Variants in BBOX1 observed in about 807,000 individuals in gnomAD.
BBOX1 encodes gamma-butyrobetaine dioxygenase.
A neutral mutation model predicts 41.6 loss-of-function variants in BBOX1; 35 were observed. The observed-to-expected ratio is 0.84, with a 90% CI of 0.64 to 1.11. BBOX1 has a LOEUF of 1.11. Among genes scored for constraint, BBOX1 ranks in the 50% most tolerant of loss-of-function variants. The pLI is 0.00. For synonymous variants in BBOX1, 163 were observed against 154.7 expected (o/e 1.05, Z -0.40); for missense variants, 458 against 460.6 (o/e 0.99, Z 0.05).
chr11:27,055,626 G>A lies in BBOX1; in HGVS notation c.196G>A (p.Gly66Ser). The change falls in exon 3 of 9, where the codon GGC (glycine) becomes AGC (serine). Residue 66 changes from glycine (G) to serine (S), a missense_variant. Coordinates refer to ENST00000263182, the MANE Select transcript of BBOX1 (RefSeq NM_003986.3). ...TCTTGATGTGAACATTGGAATTAAA[G>A]GCTTGATATTTGACAGAAAAAAGGT... ...EALDVNIGIKGLIFDRKKVYI... is the reference protein window; with the variant it reads ...EALDVNIGIKSLIFDRKKVYI... The A allele has an allele frequency of 6.2e-7, 1 of 1,613,716 alleles. No homozygotes were observed. Among genetic ancestry groups the A allele is most frequent in the Non-Finnish European group, 8.5e-7 (1 of 1,179,710 alleles).
chr11:27,127,512 C>T lies in BBOX1; in HGVS notation c.*59C>T, dbSNP rs909977190. The T allele has an allele frequency of 6.7e-5, 101 of 1,514,702 alleles. No individual in the cohort carries two copies. The African/African-American group carries it at 1.3e-3, about 19-fold the overall frequency. The allele number at this position is 1,514,702 out of a possible 1,614,324, so 93.8% of individuals were successfully genotyped here. ...TGACCATATTTTGTGAGATATGGCA[C>T]ATTATTCACAGACCATGATCTTTGT... is the stretch of plus-strand genomic sequence containing the variant. On this transcript the variant is annotated 3_prime_UTR_variant, in exon 9 of 9. Coordinates refer to ENST00000263182, the MANE Select transcript of BBOX1 (RefSeq NM_003986.3).
chr11:27,108,336 C>T (rs1858937062), intron 5 of BBOX1, among the ~76,000 whole-genome samples: 1 of 152,106 alleles, frequency 6.6e-6, no homozygotes, highest in Admixed American at 6.6e-5. Flanking sequence ...GTAGGTGAAT[C>T]AATGCAAAAC....
At position 27,055,556 on chromosome 11, in the gene BBOX1, T is replaced by C; in HGVS notation, c.126T>C (p.Asp42=). 1 of 1,614,158 alleles carries C rather than the reference T, an allele frequency of 6.2e-7. No individual in the cohort carries two copies. The highest frequency in any genetic ancestry group is 8.5e-7 in the Non-Finnish European group (1 of 1,180,016). The change falls in exon 3 of 9, where the codon GAT becomes GAC. Residue 42 remains aspartate (D), a synonymous_variant. Coordinates refer to ENST00000263182, the MANE Select transcript of BBOX1 (RefSeq NM_003986.3). The stretch of plus-strand genomic sequence containing the variant: ...TGAGAGACAACTGTCCGTGCTCTGA[T>C]TGCTACCTGGATTCTGCAAAAGCAC... The part of the protein sequence containing the change: ...VWLRDNCPCS[D]CYLDSAKARK...
At chr11:27,096,260 T>C (rs1206249450) in intron 5 of BBOX1, among the ~76,000 whole-genome samples, 1 of 152,060 alleles carries the variant, frequency 6.6e-6, no homozygotes, top group Non-Finnish European at 1.5e-5. Context: ...ACAGACTCAG[T>C]AGCTGCCTTA....
intron 4 of BBOX1, among the ~76,000 whole-genome samples, chr11:27,078,078 T>A (rs988073679): frequency 6.6e-6 from 1 of 152,120 alleles, no homozygotes; most frequent in Non-Finnish European, 1.5e-5. Context: ...AAGTTCTGCT[T>A]GCCTCCTGCA....
chr11:27,053,499 C>G (rs1486599059), intron 2 of BBOX1, among the ~76,000 whole-genome samples: 1 of 152,078 alleles, frequency 6.6e-6, no homozygotes, highest in Admixed American at 6.5e-5. Context: ...AAAGATATGC[C>G]GTCCGGCATT....
rs985315416 is a variant in BBOX1, at chr11:27,127,396, G to A, written c.1107G>A (p.Trp369Ter). The A allele has an allele frequency of 4.3e-6, 7 of 1,614,098 alleles. No individual in the cohort carries two copies. The highest frequency in any genetic ancestry group is 5.9e-6 in the Non-Finnish European group (7 of 1,180,004). Residue 369 changes from tryptophan to a stop codon, truncating the protein, a stop_gained, in exon 9 of 9, where the codon TGG becomes TGA. Transcript: ENST00000263182. LOFTEE classifies it high-confidence loss of function. Reference protein sequence around the residue: ...SRHLEGAYADWDVVMSRLRIL... With the variant: ...SRHLEGAYAD ...ATCTAGAAGGAGCTTATGCTGACTG[G>A]GATGTGGTCATGTCAAGGCTTCGTA...
intron 4 of BBOX1, among the ~76,000 whole-genome samples, chr11:27,058,787 A>C (rs1044688395): frequency 1.4e-4 from 21 of 152,328 alleles, no homozygotes; most frequent in African/African-American, 5.1e-4. Flanking sequence ...TTAAGAAGTA[A>C]CATGACTGCT....
intron 4 of BBOX1, among the ~76,000 whole-genome samples, chr11:27,074,957 C>T (rs977747185): frequency 3.5e-4 from 54 of 152,314 alleles, no homozygotes; most frequent in African/African-American, 1.3e-3. Flanking sequence ...TTTCTAGGTA[C>T]ATGGTGCAAG....
At chr11:27,105,966 C>G (rs1428587016) in intron 5 of BBOX1, among the ~76,000 whole-genome samples, 1 of 152,026 alleles carries the variant, frequency 6.6e-6, no homozygotes, top group Non-Finnish European at 1.5e-5. Flanking sequence ...AATTTTCAAC[C>G]CAGAATTTCA....
chr11:27,066,661 C>A (rs1857290335), intron 4 of BBOX1: 1 of 137,048 alleles, frequency 7.3e-6, no homozygotes, highest in Non-Finnish European at 1.5e-5. Context: ...TCTGGGCTAT[C>A]CCTTCAGGGG....
intron 4 of BBOX1, among the ~76,000 whole-genome samples, chr11:27,089,543 C>T (rs1014352103): frequency 6.6e-6 from 1 of 151,898 alleles, no homozygotes; most frequent in Admixed American, 6.6e-5. Flanking sequence ...ATTTTTGGAC[C>T]AATTACCACA....
chr11:27,050,033 A>G (rs769906987), intron 2 of BBOX1, among the ~76,000 whole-genome samples: 3 of 152,102 alleles, frequency 2.0e-5, no homozygotes, highest in African/African-American at 4.8e-5. Flanking sequence ...ATTTTTATGT[A>G]TGATGTGAGA....
intron 4 of BBOX1, among the ~76,000 whole-genome samples, chr11:27,082,413 T>C (rs1341997881): frequency 1.3e-5 from 2 of 152,138 alleles, no homozygotes; most frequent in Non-Finnish European, 2.9e-5. Flanking sequence ...ATGGATGTCA[T>C]AGAGGAGAGT....
intron 4 of BBOX1, among the ~76,000 whole-genome samples, chr11:27,087,296 T>G (rs1295203555): frequency 6.6e-6 from 1 of 151,984 alleles, no homozygotes; most frequent in African/African-American, 2.4e-5. Context: ...TTCACTGTTG[T>G]CTTAAGAAAC....
chr11:27,080,208 G>C (rs1857789641), intron 4 of BBOX1, among the ~76,000 whole-genome samples: 1 of 151,992 alleles, frequency 6.6e-6, no homozygotes, highest in Non-Finnish European at 1.5e-5. Flanking sequence ...TGTAATCAAA[G>C]AGACATGAAG....
intron 4 of BBOX1, among the ~76,000 whole-genome samples, chr11:27,074,595 G>A (rs1857574310): frequency 6.6e-6 from 1 of 152,136 alleles, no homozygotes; most frequent in African/African-American, 2.4e-5. Flanking sequence ...AGAGATCTGT[G>A]TAACTTTGAA....
Position 27,044,581 on chromosome 11 carries a change from T to C in BBOX1, c.-39+3103T>C, listed in dbSNP as rs369719223. Reference sequence around the variant, plus strand: ...TATGGTTTTAGGTCTTGCGTTTAAGTCTTTAATCCATCTTTAGTTAATTTT... The same window carrying C: ...TATGGTTTTAGGTCTTGCGTTTAAGCCTTTAATCCATCTTTAGTTAATTTT... On this transcript the variant is annotated intron_variant, in intron 2 of 8. Transcript: ENST00000263182. Among the ~76,000 whole-genome samples the C allele has an allele frequency of 1.2e-4, 18 of 152,298 alleles. No individual in the cohort carries two copies. In the South Asian group the frequency reaches 2.1e-3, roughly 18 times the overall value.
intron 5 of BBOX1, among the ~76,000 whole-genome samples, chr11:27,107,011 G>A (rs1010838480): frequency 1.3e-5 from 2 of 152,018 alleles, no homozygotes; most frequent in Non-Finnish European, 1.5e-5. Flanking sequence ...TGAAATGAAG[G>A]CAGAAATAAA....
Sources: gnomAD v4.1 joint callset for allele counts (sites outside exome capture counted in the v4.1 genomes callset) on GRCh38, gnomAD v4.1.1 for gene constraint, MANE v1.5 for transcripts, NCBI Gene and HGNC (gene_info 2026-07-23, HGNC 2026-07-21) for gene names.